Variants in TMEM132D observed in about 807,000 individuals in gnomAD.
TMEM132D encodes the protein mature OL transmembrane protein.
TMEM132D carries 21 observed loss-of-function variants against 62.3 expected under a neutral mutation model. That is an observed-to-expected ratio of 0.34 (90% confidence interval 0.24 to 0.49). The LOEUF (loss-of-function observed/expected upper bound fraction) is 0.49, where lower values mean the gene tolerates loss of function less well. TMEM132D is among the 20% of genes least tolerant of loss of function. The probability of loss-of-function intolerance (pLI) is 0.99; values close to 1 mark genes in which losing one functional copy is unlikely to be tolerated. For synonymous variants in TMEM132D, 621 were observed against 575.6 expected (o/e 1.08, Z -1.13); for missense variants, 1,346 against 1,402.8 (o/e 0.96, Z 0.65).
chr12:129,466,126 A>G (rs1389247582), intron 3 of TMEM132D, among the ~76,000 whole-genome samples: 1 of 143,608 alleles, frequency 7.0e-6, no homozygotes, highest in Non-Finnish European at 1.6e-5. Context: ...CTATAGATTT[A>G]TTATTGATAA....
At chr12:129,676,002 A>G (rs1168147051) in intron 2 of TMEM132D, among the ~76,000 whole-genome samples, 1 of 152,234 alleles carries the variant, frequency 6.6e-6, no homozygotes, top group Non-Finnish European at 1.5e-5. Flanking sequence ...TTGGCTTTAA[A>G]TTAATCAAAT....
At chr12:129,135,187 G>T (rs1876522936) in intron 5 of TMEM132D, among the ~76,000 whole-genome samples, 1 of 152,176 alleles carries the variant, frequency 6.6e-6, no homozygotes, top group African/African-American at 2.4e-5. Flanking sequence ...TTGGGTTTGT[G>T]CATCAGGTAA....
At chr12:129,825,842 T>C (rs1355291089) in intron 1 of TMEM132D, among the ~76,000 whole-genome samples, 1 of 151,968 alleles carries the variant, frequency 6.6e-6, no homozygotes, top group Non-Finnish European at 1.5e-5. Flanking sequence ...GGCAGGAGGA[T>C]CACTTGAGCC....
At chr12:129,487,073 T>G (rs1190991024) in intron 3 of TMEM132D, among the ~76,000 whole-genome samples, 1 of 152,054 alleles carries the variant, frequency 6.6e-6, no homozygotes, top group Non-Finnish European at 1.5e-5. Flanking sequence ...CAGTTGGTTT[T>G]GGTCAGATCT....
chr12:129,784,978 T>C (rs1004307550), intron 1 of TMEM132D, among the ~76,000 whole-genome samples: 1 of 152,200 alleles, frequency 6.6e-6, no homozygotes, highest in Non-Finnish European at 1.5e-5. Context: ...GCAGTGTGAA[T>C]TTCATGAGGC....
At chr12:129,679,300 T>C (rs2137206843) in intron 2 of TMEM132D, among the ~76,000 whole-genome samples, 1 of 152,212 alleles carries the variant, frequency 6.6e-6, no homozygotes, top group South Asian at 2.1e-4. Context: ...TATTTATTTT[T>C]AAAATGTTAT....
chr12:129,557,771 G>C (rs1877104839), intron 2 of TMEM132D, among the ~76,000 whole-genome samples: 1 of 152,096 alleles, frequency 6.6e-6, no homozygotes, highest in African/African-American at 2.4e-5. Flanking sequence ...TTGAGCATGG[G>C]GCTGATGGAT....
chr12:129,244,114 G>T (rs541601041), intron 4 of TMEM132D, among the ~76,000 whole-genome samples: 1 of 152,138 alleles, frequency 6.6e-6, no homozygotes, highest in Admixed American at 6.5e-5. Context: ...GGCCGGGTGC[G>T]GTGGCTGACG....
chr12:129,644,495 T>A (rs1046192950), intron 2 of TMEM132D, among the ~76,000 whole-genome samples: 1 of 151,596 alleles, frequency 6.6e-6, no homozygotes, highest in African/African-American at 2.4e-5. Context: ...ACCATGGGAG[T>A]GAGAGAGACC....
chr12:129,569,489 T>C (rs1287540930), intron 2 of TMEM132D, among the ~76,000 whole-genome samples: 1 of 152,170 alleles, frequency 6.6e-6, no homozygotes, highest in Admixed American at 6.5e-5. Flanking sequence ...TCCTATCACA[T>C]GCTAGACTCA....
chr12:129,576,298 T>G, intron 2 of TMEM132D, among the ~76,000 whole-genome samples: 1 of 151,874 alleles, frequency 6.6e-6, no homozygotes, highest in East Asian at 1.9e-4. Flanking sequence ...ACTATAACGT[T>G]TTACAATTAA....
intron 4 of TMEM132D, among the ~76,000 whole-genome samples, chr12:129,299,964 G>A (rs907197634): frequency 4.6e-5 from 7 of 152,136 alleles, no homozygotes; most frequent in African/African-American, 1.7e-4. Context: ...ATTATTCAAA[G>A]CCATAAATAT....
chr12:129,302,811 T>C (rs1015660968), intron 4 of TMEM132D, among the ~76,000 whole-genome samples: 1 of 152,176 alleles, frequency 6.6e-6, no homozygotes, highest in Non-Finnish European at 1.5e-5. Context: ...TCAAAGTCAT[T>C]GGGAGAAGGA....
intron 2 of TMEM132D, among the ~76,000 whole-genome samples, chr12:129,546,656 C>T (rs112891107): frequency 0.11 from 17,326 of 152,006 alleles, 1,368 homozygotes; most frequent in Admixed American, 0.26. Context: ...AAAAAATTAG[C>T]CAGGCGTGGT....
chr12:129,839,079 T>A (rs1489205900), intron 1 of TMEM132D, among the ~76,000 whole-genome samples: 2 of 143,720 alleles, frequency 1.4e-5, no homozygotes, highest in African/African-American at 5.2e-5. Context: ...GCTTCCCAAT[T>A]AGCTGGGATT....
At chr12:129,146,267 C>T (rs1412466265) in intron 5 of TMEM132D, among the ~76,000 whole-genome samples, 1 of 152,150 alleles carries the variant, frequency 6.6e-6, no homozygotes, top group African/African-American at 2.4e-5. Context: ...AGGCAGTCAC[C>T]CAAATTGTGT....
At chr12:129,324,368 T>C (rs1338607276) in intron 4 of TMEM132D, among the ~76,000 whole-genome samples, 1 of 152,238 alleles carries the variant, frequency 6.6e-6, no homozygotes, top group African/African-American at 2.4e-5. Flanking sequence ...TCCTAACAGA[T>C]GCAGCATTTT....
chr12:129,574,249 A>G (rs76579686), intron 2 of TMEM132D, among the ~76,000 whole-genome samples: 2,117 of 152,052 alleles, frequency 0.014, 110 homozygotes, highest in African/African-American at 0.048. Context: ...TAAAGCAGAC[A>G]TGGTTTAAAT....
chr12:129,158,534 T>G (rs1877309575), intron 5 of TMEM132D, among the ~76,000 whole-genome samples: 1 of 152,192 alleles, frequency 6.6e-6, no homozygotes, highest in Admixed American at 6.5e-5. Context: ...GGCATAGAAG[T>G]ATATCCAGGC....
Sources: allele counts gnomAD v4.1 joint callset (sites outside exome capture counted in the v4.1 genomes callset), GRCh38; gene constraint gnomAD v4.1.1; transcripts MANE v1.5; gene names NCBI Gene and HGNC (gene_info 2026-07-23, HGNC 2026-07-21).